TIMELESS: variants seen among roughly 807,000 people sequenced by gnomAD.
TIMELESS encodes timeless circadian regulator.
A neutral mutation model predicts 164.3 loss-of-function variants in TIMELESS; 124 were observed. The ratio of observed to expected loss-of-function variants is 0.75; its 90% CI spans 0.65 to 0.88. The LOEUF is 0.88. Ranked by LOEUF, TIMELESS falls within the 40% of genes least tolerant of loss-of-function variation. TIMELESS has a pLI of 0.00. For synonymous variants in TIMELESS, 564 were observed against 563.4 expected (o/e 1.00, Z -0.02); for missense variants, 1,422 against 1,491.4 (o/e 0.95, Z 0.77).
chr12:56,432,673 G>A (rs1237029670), intron 6 of TIMELESS, 149 bp from the exon 7 acceptor site: 9 of 1,096,970 alleles, frequency 8.2e-6, no homozygotes, highest in Admixed American at 2.8e-5. Context: ...GGCCGGGCGC[G>A]GTGGCTCACG....
At chr12:56,440,846 C>G (rs184074256) in intron 1 of TIMELESS, among the ~76,000 whole-genome samples, 394 of 152,286 alleles carry the variant, frequency 2.6e-3, no homozygotes, top group Non-Finnish European at 3.2e-3. Flanking sequence ...GAGACAGGGT[C>G]TCCCTCTGTC....
chr12:56,424,008 G>A, intron 15 of TIMELESS, 114 bp from the exon 16 acceptor site: 2 of 928,078 alleles, frequency 2.2e-6, no homozygotes, highest in Non-Finnish European at 3.3e-6. Context: ...GAAACAGAAT[G>A]CAAACTGTTA....
intron 26 of TIMELESS, 142 bp from the exon 27 acceptor site, chr12:56,418,501 A>C: frequency 1.6e-6 from 1 of 615,024 alleles, no homozygotes; most frequent in Middle Eastern, 4.4e-4. Context: ...TTACTATCTA[A>C]TATATACCCA....
At chr12:56,438,010 C>T (rs1218193595) in intron 1 of TIMELESS, among the ~76,000 whole-genome samples, 3 of 152,218 alleles carry the variant, frequency 2.0e-5, no homozygotes, top group African/African-American at 4.8e-5. Flanking sequence ...TCTGCTCTCT[C>T]GCTCCGAGAG....
At chr12:56,446,611 G>A (rs745572203) in intron 1 of TIMELESS, among the ~76,000 whole-genome samples, 6 of 151,896 alleles carry the variant, frequency 4.0e-5, no homozygotes, top group Non-Finnish European at 7.4e-5. Context: ...CGGATGGATC[G>A]CCTGAGGTCA....
rs1197104818 is a variant in TIMELESS at position 56,424,687 on chromosome 12, C to T, written c.1868+75G>A. On this transcript the variant is annotated intron_variant, in intron 15 of 28. Coordinates refer to ENST00000553532, the MANE Select transcript of TIMELESS (RefSeq NM_003920.5). Reference sequence around the variant, plus strand: ...TGATGAGACAACTCTCTTTTGAAGACTGAGAACACTGTACCGCAGTGATGG... The same window carrying T: ...TGATGAGACAACTCTCTTTTGAAGATTGAGAACACTGTACCGCAGTGATGG... 5 of 1,531,522 alleles carry T rather than the reference C, an allele frequency of 3.3e-6. No homozygotes were observed. The African/African-American group carries it at 4.1e-5, about 13-fold the overall frequency. 94.9% of individuals were successfully genotyped at this position (1,531,522 alleles called of 1,614,324 possible). A position where few individuals can be genotyped will look rare whatever the true frequency, so the allele number is the denominator to read the frequency against.
intron 1 of TIMELESS, among the ~76,000 whole-genome samples, chr12:56,438,692 T>A (rs1456255255): frequency 7.1e-6 from 1 of 141,518 alleles, no homozygotes; most frequent in Non-Finnish European, 1.5e-5. Flanking sequence ...GTGGGAGAAT[T>A]ACTTGAGCCT....
rs926506007 is a variant in TIMELESS, at chr12:56,416,530, T to C, written c.*1186A>G. ...TATTTGCAGTATTTATCCATCCTTT[T>C]CATGCCTAGATTTTGTCCTTTTCTA... On this transcript the variant is annotated 3_prime_UTR_variant, in exon 29 of 29. Transcript: ENST00000553532. The C allele has an allele frequency of 6.6e-6, 1 of 152,158 alleles. No individual in the cohort carries two copies. The highest frequency in any genetic ancestry group is 2.4e-5 in the African/African-American group (1 of 41,430). The allele number at this position is 152,158 out of a possible 1,614,324, so 9.4% of individuals were successfully genotyped here. A position where few individuals can be genotyped will look rare whatever the true frequency, so the allele number is the denominator to read the frequency against.
At chr12:56,420,491 G>T in intron 26 of TIMELESS, 78 bp downstream of exon 26, 2 of 1,181,938 alleles carry the variant, frequency 1.7e-6, no homozygotes, top group African/African-American at 1.5e-5. Flanking sequence ...GGACCACCAT[G>T]ACAGTGAGGA....
intron 18 of TIMELESS, 41 bp from the exon 19 acceptor site, chr12:56,423,033 A>G (rs1033565600): frequency 6.3e-6 from 10 of 1,592,368 alleles, no homozygotes; most frequent in Admixed American, 1.8e-5. Flanking sequence ...CTCTGGTCCA[A>G]TGCAGACCCG....
At chr12:56,434,355 A>G in intron 1 of TIMELESS, 124 bp from the exon 2 acceptor site, 2 of 595,258 alleles carry the variant, frequency 3.4e-6, no homozygotes, top group South Asian at 4.1e-5. Flanking sequence ...CTTTTGTCAC[A>G]ACCAAAAGTT....
At chr12:56,425,996 T>C (rs1592247188) in intron 13 of TIMELESS, among the ~76,000 whole-genome samples, 1 of 152,064 alleles carries the variant, frequency 6.6e-6, no homozygotes. Flanking sequence ...TACTGAAAAG[T>C]CAAACAGGAT....
intron 18 of TIMELESS, 56 bp from the exon 19 acceptor site, chr12:56,423,048 T>C: frequency 1.3e-6 from 2 of 1,571,664 alleles, no homozygotes; most frequent in South Asian, 1.2e-5. Context: ...GACCCGAACC[T>C]GGCCCTCTAG....
At position 56,428,415 on chromosome 12, in the gene TIMELESS, G is replaced by A. The variant is rs536977295; in HGVS notation, c.1409-10C>T. On this transcript the variant is annotated splice_polypyrimidine_tract_variant and intron_variant, in intron 12 of 28. Coordinates refer to ENST00000553532, the MANE Select transcript of TIMELESS (RefSeq NM_003920.5). ...ACATAGAAAATATTGTCTAGGAATG[G>A]GGAAGAGAAAGGGATGGAAGGGCTA... 6 of 1,605,354 alleles carry A rather than the reference G, an allele frequency of 3.7e-6. No homozygotes were observed. Among genetic ancestry groups the A allele is most frequent in the East Asian group, 4.5e-5 (2 of 44,670 alleles).
chr12:56,417,968 G>C lies in TIMELESS; in HGVS notation c.3495C>G (p.Pro1165=), dbSNP rs755417487. Residue 1165 remains proline, a synonymous_variant, in exon 28 of 29, where the codon CCC becomes CCG. Transcript: ENST00000553532. ...CGCTGTCCAGCAATTGTCGTTTCTT[G>C]GGTGCTGCCTTCAGCGGCTCTTTAC... is the stretch of plus-strand genomic sequence containing the variant. The part of the protein sequence containing the change: ...AVGKEPLKAA[P]KKRQLLDSDE... The C allele has an allele frequency of 6.8e-6, 11 of 1,614,182 alleles. 1 individual carries two copies. In the South Asian group the frequency reaches 1.1e-4, roughly 16 times the overall value.
Position 56,432,450 on chromosome 12 carries a change from G to A in TIMELESS, c.606C>T (p.Leu202=), listed in dbSNP as rs900623140. The A allele has an allele frequency of 1.9e-6, 3 of 1,614,220 alleles. No individual in the cohort carries two copies. Among genetic ancestry groups the A allele is most frequent in the Non-Finnish European group, 8.5e-7 (1 of 1,180,040 alleles). ...CAGCAGACGAGCTGGCCAGAAAGAG[G>A]AGCAGGTCATCCAGGCCGCTGAGGT... ...AIHLSGLDDL[L]LFLASSSAEE... is the part of the protein sequence containing the mutation. The change falls in exon 7 of 29, where the codon CTC becomes CTT. Residue 202 remains leucine, a synonymous_variant. Transcript: ENST00000553532.
At position 56,428,918 on chromosome 12, in the gene TIMELESS, C is replaced by T. The variant is rs1881769560; in HGVS notation, c.1269G>A (p.Leu423=). Residue 423 remains leucine (L), a synonymous_variant, in exon 11 of 29, where the codon CTG becomes CTA. Coordinates refer to ENST00000553532, the MANE Select transcript of TIMELESS (RefSeq NM_003920.5). ...AGGAGGCAGCTTCCTTGCGGTCAGT[C>T]AGCATCATCTCATAGTAGTTGGTGA... ...QNLTNYYEMM[L]TDRKEAASWA... is the part of the protein sequence containing the mutation. 1 of 1,613,926 alleles carries T rather than the reference C, an allele frequency of 6.2e-7. No homozygotes were observed. The highest frequency in any genetic ancestry group is 1.3e-5 in the African/African-American group (1 of 74,918).
In TIMELESS at chr12:56,423,323, A is replaced by G; in HGVS notation, c.2243T>C (p.Phe748Ser). Residue 748 changes from phenylalanine (F) to serine (S), a missense_variant, in exon 18 of 29, where the codon TTC (phenylalanine) becomes TCC (serine). Phe to Ser is a radical substitution (Grantham distance 155). Transcript: ENST00000553532. ...MEALLFQLSV[F>S]CLFNRLLSDP... is the part of the protein sequence containing the mutation. ...ACTAAGCAGACGATTGAAGAGGCAG[A>G]AGACTGACAGCTGAAAAAGTAGGGC... 1 of 1,614,192 alleles carries G rather than the reference A, an allele frequency of 6.2e-7. No homozygotes were observed. The highest frequency in any genetic ancestry group is 8.5e-7 in the Non-Finnish European group (1 of 1,180,036).
Position 56,421,202 on chromosome 12 carries a change from G to A in TIMELESS, c.2869-68C>T, listed in dbSNP as rs911591609. On this transcript the variant is annotated intron_variant, in intron 23 of 28. Transcript: ENST00000553532. ...ACAAGGAACTTAGTGGAGTCTCCTC[G>A]TTCCTGACCACCGCACCCCCCCGCG... 45 of 1,603,560 alleles carry A rather than the reference G, an allele frequency of 2.8e-5. No homozygotes were observed. In the East Asian group the frequency reaches 3.3e-4, roughly 12 times the overall value.
Sources: allele counts gnomAD v4.1 joint callset (sites outside exome capture counted in the v4.1 genomes callset), GRCh38; gene constraint gnomAD v4.1.1; transcripts MANE v1.5; gene names NCBI Gene and HGNC (gene_info 2026-07-23, HGNC 2026-07-21).